The following TPGS1 variants were observed in gnomAD, a reference collection of about 807,000 sequenced individuals.
The protein encoded by TPGS1 is tubulin polyglutamylase complex subunit 1.
TPGS1 carries 18 observed loss-of-function variants against 11.9 expected under a neutral mutation model. The ratio of observed to expected loss-of-function variants is 1.51; its 90% CI spans 1.04 to 2.24. TPGS1 has a LOEUF of 2.24. Among genes scored for constraint, TPGS1 ranks in the 30% most tolerant of loss-of-function variants. The pLI is 0.00. For missense variants in TPGS1, 500 were observed against 443.0 expected, an observed-to-expected ratio of 1.13 and a Z score of -1.16; for synonymous variants, 247 against 218.2, an observed-to-expected ratio of 1.13 and a Z score of -1.16.
chr19:510,591 C>T (rs1316608751), intron 1 of TPGS1, among the ~76,000 whole-genome samples: 3 of 152,152 alleles, frequency 2.0e-5, no homozygotes, highest in South Asian at 4.1e-4. Flanking sequence ...GTGTCCCCCT[C>T]CTGCCACCTT....
chr19:507,694 C>T lies in TPGS1; in HGVS notation c.188C>T (p.Pro63Leu), dbSNP rs1362128707. ...LKVLEARPEE[P>L]IAFLAHYFEN... Reference sequence around the variant, plus strand: ...GTGCTGGAGGCGCGGCCCGAGGAGCCGATCGCCTTCCTGGCTCACTACTTC... The same window carrying T: ...GTGCTGGAGGCGCGGCCCGAGGAGCTGATCGCCTTCCTGGCTCACTACTTC... The change falls in exon 1 of 2, where the codon CCG becomes CTG. Residue 63 changes from proline (P) to leucine (L), a missense_variant. By Grantham distance (98) the Pro-to-Leu change is moderately conservative. Coordinates refer to ENST00000359315, the MANE Select transcript of TPGS1 (RefSeq NM_033513.3). The T allele has an allele frequency of 1.4e-6, 2 of 1,379,650 alleles. No homozygotes were observed. Among genetic ancestry groups the T allele is most frequent in the Non-Finnish European group, 1.9e-6 (2 of 1,057,376 alleles). 85.5% of individuals were successfully genotyped at this position (1,379,650 alleles called of 1,614,324 possible).
At chr19:516,651 G>A (rs1260782792) in intron 1 of TPGS1, among the ~76,000 whole-genome samples, 1 of 152,174 alleles carries the variant, frequency 6.6e-6, no homozygotes, top group African/African-American at 2.4e-5. Context: ...CCAAAGTGCT[G>A]GGATTACAGG....
At chr19:510,313 C>A (rs1053288216) in intron 1 of TPGS1, 1 of 151,914 alleles carries the variant, frequency 6.6e-6, no homozygotes, top group Non-Finnish European at 1.5e-5. Context: ...GCGGAGCTTG[C>A]ATTGAGCCGA....
intron 1 of TPGS1, chr19:509,694 C>T (rs1292810661): frequency 1.3e-5 from 2 of 152,394 alleles, no homozygotes; most frequent in African/African-American, 4.8e-5. Flanking sequence ...AGGCCCCACC[C>T]TACTCCAGTG....
rs540713903 is a variant in TPGS1 at position 511,616 on chromosome 19, G to A, written c.338+3772G>A. On this transcript the variant is annotated intron_variant, in intron 1 of 1. Coordinates refer to ENST00000359315, the MANE Select transcript of TPGS1 (RefSeq NM_033513.3). ...AGCTGGGAGGGGCAGACGAACACCC[G>A]AGGCAGGCCTGGGCCAGGCACAGAG... Among the ~76,000 whole-genome samples, 8 of 152,362 alleles carry A rather than the reference G, an allele frequency of 5.3e-5. No homozygotes were observed. The East Asian group carries it at 1.2e-3, about 22-fold the overall frequency.
chr19:511,836 C>T (rs1414723666), intron 1 of TPGS1, among the ~76,000 whole-genome samples: 2 of 152,204 alleles, frequency 1.3e-5, no homozygotes, highest in Non-Finnish European at 2.9e-5. Flanking sequence ...ACAAGCAAAA[C>T]TCTTCTCGCT....
At chr19:507,893 T>C (rs1373633106) in intron 1 of TPGS1, 49 bp downstream of exon 1, 9 of 1,256,830 alleles carry the variant, frequency 7.2e-6, no homozygotes, top group Admixed American at 4.1e-5. Flanking sequence ...GGACTTCAAC[T>C]CCCAGCATGC....
At chr19:517,163 G>T (rs899440300) in intron 1 of TPGS1, among the ~76,000 whole-genome samples, 1 of 151,374 alleles carries the variant, frequency 6.6e-6, no homozygotes, top group Non-Finnish European at 1.5e-5. Context: ...GACAGCGAGT[G>T]AGACAGGATG....
chr19:519,564 C>A lies in TPGS1; in HGVS notation c.*141C>A. 3 of 765,386 alleles carry A rather than the reference C, an allele frequency of 3.9e-6. No individual in the cohort carries two copies. The highest frequency in any genetic ancestry group is 5.1e-6 in the Non-Finnish European group (3 of 582,828). The allele number at this position is 765,386 out of a possible 1,614,324, so 47.4% of individuals were successfully genotyped here. Reference sequence around the variant, plus strand: ...GGAGGAGGCCGGGGCTCCCAGGAAGCGGACGCCCGGTCCCCACACAGCGCC... The same window carrying A: ...GGAGGAGGCCGGGGCTCCCAGGAAGAGGACGCCCGGTCCCCACACAGCGCC... On this transcript the variant is annotated 3_prime_UTR_variant, in exon 2 of 2. Transcript: ENST00000359315.
At chr19:515,019 CCTT>C (rs1409140899) in intron 1 of TPGS1, among the ~76,000 whole-genome samples, 1 of 152,206 alleles carries the variant, frequency 6.6e-6, no homozygotes. Flanking sequence ...GGGCTGACAG[CCTT>C]CTTCTGTAAG....
Position 519,527 on chromosome 19 carries a change from G to T in TPGS1, c.*104G>T, listed in dbSNP as rs1049618409. On this transcript the variant is annotated 3_prime_UTR_variant, in exon 2 of 2. Transcript: ENST00000359315. ...TGGTGAGGCCCTGCCATAACCAGGC[G>T]CCCAGCCCTGCGGAGGAGGCCGGGG... 2.5e-5 allele frequency: 27 copies of T among 1,061,156 alleles called. No homozygotes were observed. The highest frequency in any genetic ancestry group is 1.9e-4 in the Admixed American group (4 of 21,034). The allele number at this position is 1,061,156 out of a possible 1,614,324, so 65.7% of individuals were successfully genotyped here.
At chr19:509,093 T>G (rs1978712215) in intron 1 of TPGS1, 1 of 152,392 alleles carries the variant, frequency 6.6e-6, no homozygotes, top group African/African-American at 2.4e-5. Flanking sequence ...AAGAAGCGTC[T>G]GCAACTGACG....
intron 1 of TPGS1, among the ~76,000 whole-genome samples, chr19:510,712 C>A (rs892694356): frequency 6.6e-6 from 1 of 152,234 alleles, no homozygotes; most frequent in Non-Finnish European, 1.5e-5. Context: ...CAGAGTGCAG[C>A]CCCGGAGGCC....
At chr19:513,635 G>A (rs1409470725) in intron 1 of TPGS1, among the ~76,000 whole-genome samples, 11 of 148,714 alleles carry the variant, frequency 7.4e-5, no homozygotes, top group African/African-American at 2.5e-4. Context: ...CTGCACACCA[G>A]CCCAGCATTA....
chr19:514,259 C>G (rs550302427), intron 1 of TPGS1, among the ~76,000 whole-genome samples: 1 of 151,856 alleles, frequency 6.6e-6, no homozygotes, highest in South Asian at 2.1e-4. Context: ...CTACCGTGTA[C>G]TGGCCCTGCA....
At position 519,016 on chromosome 19, in the gene TPGS1, GC is replaced by G. The variant is rs775662083; in HGVS notation, c.471del (p.Glu158ArgfsTer21). The G allele has an allele frequency of 5.6e-5, 87 of 1,564,096 alleles. No homozygotes were observed. The highest frequency in any genetic ancestry group is 7.1e-5 in the Non-Finnish European group (82 of 1,161,924). ...LLRRICRDGQ[A>X]PEEVVAPLLR... ...CAGGCGCATCTGCCGGGACGGCCAA[GC>G]CCCCGAGGAGGTGGTGGCGCCGCTG... is the stretch of plus-strand genomic sequence containing the variant. On this transcript the variant is annotated frameshift_variant, in exon 2 of 2. Transcript: ENST00000359315. LOFTEE classifies it high-confidence loss of function.
At chr19:511,581 G>A (rs2145831860) in intron 1 of TPGS1, among the ~76,000 whole-genome samples, 1 of 152,398 alleles carries the variant, frequency 6.6e-6, no homozygotes, top group Admixed American at 6.5e-5. Context: ...CAGAAAAGGA[G>A]AGTGCACACA....
In TPGS1 at chr19:507,938, G is replaced by A. The variant is rs1600396794; in HGVS notation, c.338+94G>A. On this transcript the variant is annotated intron_variant, in intron 1 of 1. Transcript: ENST00000359315. ...CTCCCTACCCGCAGCGCCGGCGCAGGGGCCCGGGGCTTGCTGGGAGTTGTA... is the reference window on the plus strand; with the variant it reads ...CTCCCTACCCGCAGCGCCGGCGCAGAGGCCCGGGGCTTGCTGGGAGTTGTA... 16 of 1,016,574 alleles carry A rather than the reference G, an allele frequency of 1.6e-5. No individual in the cohort carries two copies. The East Asian group carries it at 4.6e-4, about 29-fold the overall frequency. The allele number at this position is 1,016,574 out of a possible 1,614,324, so 63.0% of individuals were successfully genotyped here.
chr19:517,726 A>G (rs1332451275), intron 1 of TPGS1, among the ~76,000 whole-genome samples: 1 of 5,938 alleles, frequency 1.7e-4, no homozygotes, highest in Non-Finnish European at 2.7e-4. Flanking sequence ...TGGGAGGAGG[A>G]GGCCGAGGCT....
Sources: allele counts gnomAD v4.1 joint callset (sites outside exome capture counted in the v4.1 genomes callset), GRCh38; gene constraint gnomAD v4.1.1; transcripts MANE v1.5; gene names NCBI Gene and HGNC (gene_info 2026-07-23, HGNC 2026-07-21).